The following KCNQ4 variants were observed in gnomAD, a reference collection of about 807,000 sequenced individuals.
KCNQ4 encodes potassium voltage-gated channel subfamily Q member 4.
In KCNQ4, 31 loss-of-function variants were observed where a neutral mutation model predicts 72.6. That is an observed-to-expected ratio of 0.43 (90% CI 0.32 to 0.58). The LOEUF (loss-of-function observed/expected upper bound fraction) is 0.58, where lower values mean the gene tolerates loss of function less well. Among genes scored for constraint, KCNQ4 ranks in the 20% least tolerant of loss-of-function variants. KCNQ4 has a pLI of 0.08. For synonymous variants in KCNQ4, 405 were observed against 403.7 expected (o/e 1.00, Z -0.04); for missense variants, 869 against 962.6 (o/e 0.90, Z 1.29).
chr1:40,800,464 T>C (rs1446648800), intron 1 of KCNQ4, among the ~76,000 whole-genome samples: 1 of 152,200 alleles, frequency 6.6e-6, no homozygotes, highest in Non-Finnish European at 1.5e-5. Flanking sequence ...TTTAGACTTA[T>C]GGTATGTGGG....
rs1230971940 is a variant in KCNQ4 at position 40,784,497 on chromosome 1, C to T, written c.314+90C>T. On this transcript the variant is annotated intron_variant, in intron 1 of 13. Coordinates refer to ENST00000347132, the MANE Select transcript of KCNQ4 (RefSeq NM_004700.4). This position sits in a 1 kb window ranked among gnomAD's most constrained non-coding sequence, Gnocchi z 4.1. ...CGCCCCGCCCTGGCTCCGCCTTCTA[C>T]CCCCCTGCCTCAGGGCCGACCCTCA... 7 of 1,289,072 alleles carry T rather than the reference C, an allele frequency of 5.4e-6. No homozygotes were observed. Among genetic ancestry groups the T allele is most frequent in the African/African-American group, 1.5e-5 (1 of 68,086 alleles). The allele number at this position is 1,289,072 out of a possible 1,614,324, so 79.9% of individuals were successfully genotyped here.
intron 1 of KCNQ4, among the ~76,000 whole-genome samples, chr1:40,806,930 C>T (rs1318535287): frequency 6.6e-6 from 1 of 152,134 alleles, no homozygotes; most frequent in East Asian, 1.9e-4. Context: ...GAATCTGTGG[C>T]GGCCAGGAGA....
At chr1:40,827,231 T>A (rs1392982056) in intron 9 of KCNQ4, among the ~76,000 whole-genome samples, 1 of 152,172 alleles carries the variant, frequency 6.6e-6, no homozygotes, top group South Asian at 2.1e-4. Context: ...AGGGACACGG[T>A]GATGAATAAA....
In KCNQ4 at chr1:40,819,058, T is replaced by C. The variant is rs1411294225; in HGVS notation, c.709-289T>C. ...CCAGGTGGAAGCCTGAAAGTGGGAC[T>C]TGGGGGACGGGGCAAGGTAGGCCGG... is the stretch of plus-strand genomic sequence containing the variant. On this transcript the variant is annotated intron_variant, in intron 4 of 13. Coordinates refer to ENST00000347132, the MANE Select transcript of KCNQ4 (RefSeq NM_004700.4). The C allele has an allele frequency of 1.4e-5, 7 of 506,112 alleles. No homozygotes were observed. In the Admixed American group the frequency reaches 2.0e-4, roughly 15 times the overall value. The allele number at this position is 506,112 out of a possible 1,614,324, so 31.4% of individuals were successfully genotyped here.
intron 8 of KCNQ4, 93 bp downstream of exon 8, chr1:40,822,495 G>A (rs188269116): frequency 9.5e-7 from 1 of 1,048,752 alleles, no homozygotes; most frequent in African/African-American, 1.6e-5. Flanking sequence ...GGGTGGAAAG[G>A]GGGTGATGGC....
intron 1 of KCNQ4, among the ~76,000 whole-genome samples, chr1:40,798,956 G>T (rs1647494083): frequency 6.6e-6 from 1 of 152,266 alleles, no homozygotes; most frequent in Non-Finnish European, 1.5e-5. Flanking sequence ...CCTTGTTGGG[G>T]TCTGGTCATC....
intron 9 of KCNQ4, among the ~76,000 whole-genome samples, chr1:40,828,798 G>A (rs1173914764): frequency 3.3e-5 from 5 of 152,230 alleles, no homozygotes; most frequent in Admixed American, 2.6e-4. Context: ...CAGACTTAGA[G>A]GAGCTGATAT....
rs1349442501 is a variant in KCNQ4 at position 40,819,939 on chromosome 1, C to G, written c.899C>G (p.Ala300Gly). 1 of 1,614,130 alleles carries G rather than the reference C, an allele frequency of 6.2e-7. No individual in the cohort carries two copies. The highest frequency in any genetic ancestry group is 1.3e-5 in the African/African-American group (1 of 74,956). Residue 300 changes from alanine to glycine, a missense_variant, in exon 6 of 14, where the codon GCT becomes GGT. Physicochemically the swap from Ala to Gly is moderately conservative, Grantham distance 60. Around this residue, in one of 5 missense-constraint regions of KCNQ4, gnomAD observed 13 missense variants for 46.0 expected, o/e 0.28. Coordinates refer to ENST00000347132, the MANE Select transcript of KCNQ4 (RefSeq NM_004700.4). ...CACACATGGCTGGGCAGGGTCCTGG[C>G]TGCTGGCTTCGCCTTACTGGGCATC... ...TPHTWLGRVL[A>G]AGFALLGISF... is the part of the protein sequence containing the mutation.
intron 1 of KCNQ4, among the ~76,000 whole-genome samples, chr1:40,789,387 G>A (rs1215138557): frequency 6.6e-6 from 1 of 152,174 alleles, no homozygotes; most frequent in Non-Finnish European, 1.5e-5. Flanking sequence ...TAGCCAACAG[G>A]GGAGATGGAT....
intron 8 of KCNQ4, among the ~76,000 whole-genome samples, 173 bp from the exon 9 acceptor site, chr1:40,823,924 G>T (rs182487685): frequency 1.9e-4 from 29 of 152,362 alleles, no homozygotes; most frequent in Admixed American, 1.6e-3. Context: ...TAGAAAGGGA[G>T]TGGGGAAGGC....
chr1:40,785,107 CAGCACCAGGCCTGGCTCTA>C, intron 1 of KCNQ4, among the ~76,000 whole-genome samples: 1 of 152,308 alleles, frequency 6.6e-6, no homozygotes, highest in South Asian at 2.1e-4. Flanking sequence ...TGTTGGCTGG[CAGCACCAGGCCTGGCTCTA>C]GGCACCAGGG....
intron 1 of KCNQ4, among the ~76,000 whole-genome samples, chr1:40,815,980 C>T (rs897100326): frequency 1.1e-4 from 17 of 152,162 alleles, no homozygotes; most frequent in Non-Finnish European, 8.8e-5. Flanking sequence ...CATAGGGAGG[C>T]AAGCATCGGG....
intron 11 of KCNQ4, 34 bp downstream of exon 11, chr1:40,833,147 C>T (rs377234218): frequency 9.7e-5 from 146 of 1,498,448 alleles, no homozygotes; most frequent in South Asian, 1.2e-4. Flanking sequence ...CACCCCCCTC[C>T]GTGTGCCACC....
chr1:40,794,712 GC>G lies in KCNQ4; in HGVS notation c.314+10306del, dbSNP rs1647357987. On this transcript the variant is annotated intron_variant, in intron 1 of 13. Transcript: ENST00000347132. This position sits in a 1 kb window ranked among gnomAD's most constrained non-coding sequence, Gnocchi z 4.2. ...TGTCCTTTCTTTTATGAAATGATGGGCTGGGAAAAAAATGTCCTTGCTTGGC... is the reference window on the plus strand; with the variant it reads ...TGTCCTTTCTTTTATGAAATGATGGGTGGGAAAAAAATGTCCTTGCTTGGC... 2.0e-5 allele frequency among the ~76,000 whole-genome samples: 3 copies of G among 152,252 alleles called. No individual in the cohort carries two copies. Among genetic ancestry groups the G allele is most frequent in the Middle Eastern group, 3.4e-3 (1 of 294 alleles).
Position 40,785,840 on chromosome 1 carries a change from CA to C in KCNQ4, c.314+1434del, listed in dbSNP as rs137935034. On this transcript the variant is annotated intron_variant, in intron 1 of 13. Coordinates refer to ENST00000347132, the MANE Select transcript of KCNQ4 (RefSeq NM_004700.4). The stretch of plus-strand genomic sequence containing the variant: ...GAGAAAGATGCGGCACAGGGAGGGG[CA>C]GGGGGGGAAGACAGCAGGGCTCTCT... Among the ~76,000 whole-genome samples the C allele has an allele frequency of 2.0e-3, 311 of 152,072 alleles. 3 individuals carry two copies. Among genetic ancestry groups the C allele is most frequent in the African/African-American group, 6.6e-3 (272 of 41,438 alleles).
intron 1 of KCNQ4, among the ~76,000 whole-genome samples, chr1:40,799,146 T>C (rs1647500381): frequency 6.6e-6 from 1 of 152,258 alleles, no homozygotes. Flanking sequence ...GTTCCTCTGC[T>C]TGGGGCCTTC....
rs1648127504 is a variant in KCNQ4 at position 40,817,427 on chromosome 1, A to AG, written c.405+78dup. 1 of 1,177,384 alleles carries AG rather than the reference A, an allele frequency of 8.5e-7. No homozygotes were observed. The highest frequency in any genetic ancestry group is 2.0e-5 in the Admixed American group (1 of 50,640). 72.9% of individuals were successfully genotyped at this position (1,177,384 alleles called of 1,614,324 possible). Reference sequence around the variant, plus strand: ...CCTCTGGGCTGGGAGTCCGGGACTGAGGGGGGCTGTGTGAGGTAGCACCTC... The same window carrying AG: ...CCTCTGGGCTGGGAGTCCGGGACTGAGGGGGGGCTGTGTGAGGTAGCACCTC... On this transcript the variant is annotated intron_variant, in intron 2 of 13. Transcript: ENST00000347132. The surrounding 1 kb of genome is among the most constrained non-coding windows in gnomAD (Gnocchi z 5.5).
rs1031189660 is a variant in KCNQ4 at position 40,840,272 on chromosome 1, C to T, written c.*1749C>T. ...CCCCAGAGAGCCACCCCTCCACCCA[C>T]TCAGAGACAGCTGTGGAGAGGGCCA... On this transcript the variant is annotated 3_prime_UTR_variant, in exon 14 of 14. Transcript: ENST00000347132. The T allele has an allele frequency of 1.3e-5, 2 of 152,370 alleles. No individual in the cohort carries two copies. The highest frequency in any genetic ancestry group is 2.9e-5 in the Non-Finnish European group (2 of 68,152). 9.4% of individuals were successfully genotyped at this position (152,370 alleles called of 1,614,324 possible).
intron 8 of KCNQ4, 49 bp downstream of exon 8, chr1:40,822,451 C>T (rs757849424): frequency 1.6e-5 from 23 of 1,424,450 alleles, no homozygotes; most frequent in African/African-American, 4.2e-5. Context: ...CAGCAATGCC[C>T]TTTGAGGACA....
Sources: gnomAD v4.1 joint callset for allele counts (sites outside exome capture counted in the v4.1 genomes callset) on GRCh38, gnomAD v4.1.1 for gene constraint, gnomAD v4.1.1 regional missense constraint, Gnocchi (gnomAD v3.1) non-coding constraint, MANE v1.5 for transcripts, NCBI Gene and HGNC (gene_info 2026-07-23, HGNC 2026-07-21) for gene names.